The following ANTXR1 variants were observed in gnomAD, a reference collection of about 807,000 sequenced individuals.
ANTXR1 encodes ANTXR cell adhesion molecule 1.
ANTXR1 carries 19 observed loss-of-function variants against 78.1 expected under a neutral mutation model. The observed-to-expected ratio is 0.24, with a 90% CI of 0.17 to 0.36. The LOEUF is 0.36. Ranked by LOEUF, ANTXR1 falls within the 10% of genes least tolerant of loss-of-function variation. The pLI is 1.00. For synonymous variants in ANTXR1, 273 were observed against 260.5 expected, an observed-to-expected ratio of 1.05 and a Z score of -0.46; for missense variants, 518 against 718.6, an observed-to-expected ratio of 0.72 and a Z score of 3.19.
chr2:69,205,781 A>G (rs1674884255), intron 17 of ANTXR1, among the ~76,000 whole-genome samples: 1 of 152,144 alleles, frequency 6.6e-6, no homozygotes, highest in Non-Finnish European at 1.5e-5. Context: ...ATAAGGAGAG[A>G]GAATTCACAA....
intron 10 of ANTXR1, among the ~76,000 whole-genome samples, chr2:69,121,665 A>G (rs928694166): frequency 1.2e-4 from 19 of 152,254 alleles, no homozygotes; most frequent in Admixed American, 5.2e-4. Flanking sequence ...CTTTAATAAT[A>G]TATGTATTCC....
At chr2:69,136,795 G>A (rs184062663) in intron 12 of ANTXR1, among the ~76,000 whole-genome samples, 4 of 152,274 alleles carry the variant, frequency 2.6e-5, no homozygotes, top group Admixed American at 2.6e-4. Flanking sequence ...TAGAAAACAA[G>A]ATAAATGGAG....
intron 13 of ANTXR1, among the ~76,000 whole-genome samples, chr2:69,166,768 G>GA (rs1673836891): frequency 6.6e-6 from 1 of 152,200 alleles, no homozygotes; most frequent in South Asian, 2.1e-4. Flanking sequence ...CATAACCTGA[G>GA]AAAAAGGAGA....
At position 69,013,819 on chromosome 2, in the gene ANTXR1, G is replaced by A. The variant is rs1261670972; in HGVS notation, c.152+168G>A. On this transcript the variant is annotated intron_variant, in intron 1 of 17. Coordinates refer to ENST00000303714, the MANE Select transcript of ANTXR1 (RefSeq NM_032208.3). This position sits in a 1 kb window ranked among gnomAD's most constrained non-coding sequence, Gnocchi z 5.0. ...GAGTGCTGCGCCTTTGTTGGGGCGC[G>A]CTCCTCCCAGCCTCGGCTCCAGAGC... 6.6e-6 allele frequency among the ~76,000 whole-genome samples: 1 copy of A among 152,202 alleles called. No individual in the cohort carries two copies. Among genetic ancestry groups the A allele is most frequent in the Non-Finnish European group, 1.5e-5 (1 of 68,034 alleles).
intron 3 of ANTXR1, among the ~76,000 whole-genome samples, chr2:69,045,640 A>G (rs4578894): frequency 0.071 from 10,767 of 152,208 alleles, 673 homozygotes; most frequent in East Asian, 0.24. Context: ...ACGTTCTTAT[A>G]GAAATGAATA....
chr2:69,158,967 C>T (rs541472677), intron 13 of ANTXR1, among the ~76,000 whole-genome samples: 2 of 152,244 alleles, frequency 1.3e-5, no homozygotes, highest in African/African-American at 4.8e-5. Flanking sequence ...GTGCCTAGTA[C>T]ATATTATAAT....
At chr2:69,090,590 A>G (rs1222267283) in intron 8 of ANTXR1, 4 of 522,452 alleles carry the variant, frequency 7.7e-6, no homozygotes, top group Non-Finnish European at 1.4e-5. Flanking sequence ...TAGGACTGGC[A>G]TAGCATAGGC....
At chr2:69,133,764 A>G (rs967808212) in intron 12 of ANTXR1, among the ~76,000 whole-genome samples, 2 of 152,196 alleles carry the variant, frequency 1.3e-5, no homozygotes, top group African/African-American at 4.8e-5. Context: ...TCAGCCCTTG[A>G]AAAAGCATAG....
At chr2:69,216,045 G>A (rs2104504242) in intron 17 of ANTXR1, among the ~76,000 whole-genome samples, 1 of 152,334 alleles carries the variant, frequency 6.6e-6, no homozygotes, top group South Asian at 2.1e-4. Flanking sequence ...AGGCCCAGAG[G>A]TGGGAGCTCT....
chr2:69,108,450 C>G (rs1671880092), intron 10 of ANTXR1, among the ~76,000 whole-genome samples: 1 of 152,208 alleles, frequency 6.6e-6, no homozygotes, highest in African/African-American at 2.4e-5. Flanking sequence ...AATATAGCAA[C>G]AACAAATAAA....
Position 69,247,952 on chromosome 2 carries a change from G to C in ANTXR1, c.*2467G>C, listed in dbSNP as rs1287927560. On this transcript the variant is annotated 3_prime_UTR_variant, in exon 18 of 18. Coordinates refer to ENST00000303714, the MANE Select transcript of ANTXR1 (RefSeq NM_032208.3). The stretch of plus-strand genomic sequence containing the variant: ...TGATGATTTTGAAAAGGCTCAGCAG[G>C]ATTTGTTCTTAAACCGACTCAGTGT... The C allele has an allele frequency of 6.5e-6, 1 of 154,012 alleles. No homozygotes were observed. The highest frequency in any genetic ancestry group is 1.5e-5 in the Non-Finnish European group (1 of 68,046). The allele number at this position is 154,012 out of a possible 1,614,324, so 9.5% of individuals were successfully genotyped here.
At chr2:69,165,971 C>T (rs2104446722) in intron 13 of ANTXR1, among the ~76,000 whole-genome samples, 1 of 152,350 alleles carries the variant, frequency 6.6e-6, no homozygotes, top group East Asian at 1.9e-4. Context: ...GAGCGCTTTA[C>T]AGAGACCCAA....
intron 12 of ANTXR1, among the ~76,000 whole-genome samples, chr2:69,141,137 G>A (rs78825048): frequency 0.017 from 2,636 of 152,304 alleles, 75 homozygotes; most frequent in African/African-American, 0.059. Context: ...TAACACCATA[G>A]CTCTAGTCAG....
At chr2:69,163,210 A>G (rs909589932) in intron 13 of ANTXR1, among the ~76,000 whole-genome samples, 3 of 152,132 alleles carry the variant, frequency 2.0e-5, no homozygotes, top group Non-Finnish European at 4.4e-5. Flanking sequence ...AAGTGTCACA[A>G]CACAAGGGGA....
At chr2:69,127,704 A>G (rs148273629) in intron 12 of ANTXR1, among the ~76,000 whole-genome samples, 1 of 152,168 alleles carries the variant, frequency 6.6e-6, no homozygotes, top group African/African-American at 2.4e-5. Context: ...TCAGAGTTGG[A>G]TTTATTTTGA....
chr2:69,124,593 G>A lies in ANTXR1; in HGVS notation c.901G>A (p.Asp301Asn), dbSNP rs201756596. 82 of 1,614,186 alleles carry A rather than the reference G, an allele frequency of 5.1e-5. No homozygotes were observed. In the Admixed American group the frequency reaches 9.7e-4, roughly 19 times the overall value. Residue 301 changes from aspartate to asparagine, a missense_variant, in exon 12 of 18, where the codon GAT becomes AAT. Physicochemically the swap from Asp to Asn is conservative, Grantham distance 23. Coordinates refer to ENST00000303714, the MANE Select transcript of ANTXR1 (RefSeq NM_032208.3). ...AGCTGCACTCCAGGTCAGCATGAAC[G>A]ATGGCCTCTCTTTTATCTCCAGTTC... ...MKAALQVSMNDGLSFISSSVI... is the reference protein window; with the variant it reads ...MKAALQVSMNNGLSFISSSVI...
At chr2:69,031,177 T>C (rs1052850787) in intron 1 of ANTXR1, among the ~76,000 whole-genome samples, 1 of 152,030 alleles carries the variant, frequency 6.6e-6, no homozygotes, top group African/African-American at 2.4e-5. Flanking sequence ...TGCAACCGAA[T>C]ATAAAATGGG....
At chr2:69,202,916 C>G (rs989644788) in intron 17 of ANTXR1, among the ~76,000 whole-genome samples, 3 of 152,216 alleles carry the variant, frequency 2.0e-5, no homozygotes, top group African/African-American at 7.2e-5. Context: ...CCTTCCTTCT[C>G]CCTGAAAACT....
At chr2:69,196,765 A>G (rs1327770645) in intron 17 of ANTXR1, among the ~76,000 whole-genome samples, 1 of 152,134 alleles carries the variant, frequency 6.6e-6, no homozygotes, top group African/African-American at 2.4e-5. Context: ...AACAAAAATC[A>G]CCTAATTGCA....
Sources: gnomAD v4.1 joint callset for allele counts (sites outside exome capture counted in the v4.1 genomes callset) on GRCh38, gnomAD v4.1.1 for gene constraint, Gnocchi (gnomAD v3.1) non-coding constraint, MANE v1.5 for transcripts, NCBI Gene and HGNC (gene_info 2026-07-23, HGNC 2026-07-21) for gene names.